The following PTPRD variants were observed in gnomAD, a reference collection of about 807,000 sequenced individuals.
PTPRD encodes the protein protein tyrosine phosphatase receptor type D.
Under a neutral mutation model 214.5 loss-of-function variants are expected in PTPRD, and 34 were observed. The ratio of observed to expected loss-of-function variants is 0.16; its 90% CI spans 0.12 to 0.21. The LOEUF (loss-of-function observed/expected upper bound fraction) is 0.21. Among genes scored for constraint, PTPRD ranks in the 10% least tolerant of loss-of-function variants. The pLI is 1.00. For missense variants in PTPRD, 2,545 were observed against 2,398.7 expected, an observed-to-expected ratio of 1.06 and a Z score of -1.27; for synonymous variants, 1,128 against 845.7, an observed-to-expected ratio of 1.33 and a Z score of -5.79.
chr9:10,455,006 A>G (rs916137994), intron 2 of PTPRD, among the ~76,000 whole-genome samples: 1 of 151,718 alleles, frequency 6.6e-6, no homozygotes, highest in African/African-American at 2.4e-5. Flanking sequence ...TGCATAGTGT[A>G]TATTTGACTT....
chr9:10,539,283 C>T (rs776601540), intron 2 of PTPRD, among the ~76,000 whole-genome samples: 1 of 152,160 alleles, frequency 6.6e-6, no homozygotes, highest in African/African-American at 2.4e-5. Context: ...CTTTCAGGAT[C>T]GAGCAATTCT....
At chr9:9,548,208 C>T (rs1217256370) in intron 8 of PTPRD, among the ~76,000 whole-genome samples, 1 of 150,214 alleles carries the variant, frequency 6.7e-6, no homozygotes, top group East Asian at 2.0e-4. Context: ...AAGAAGAAAG[C>T]TGGAAATGAT....
At chr9:10,311,826 G>T (rs1016445219) in intron 3 of PTPRD, among the ~76,000 whole-genome samples, 1 of 151,972 alleles carries the variant, frequency 6.6e-6, no homozygotes, top group Non-Finnish European at 1.5e-5. Flanking sequence ...AACCACACGC[G>T]GTAATTCTGA....
intron 2 of PTPRD, among the ~76,000 whole-genome samples, chr9:10,559,331 C>T (rs1243663626): frequency 2.0e-5 from 3 of 152,032 alleles, no homozygotes; most frequent in Non-Finnish European, 4.4e-5. Flanking sequence ...CTATGCTATC[C>T]ATTAACCAAA....
At chr9:10,103,643 A>G (rs2098593722) in intron 3 of PTPRD, among the ~76,000 whole-genome samples, 1 of 151,112 alleles carries the variant, frequency 6.6e-6, no homozygotes, top group Non-Finnish European at 1.5e-5. Context: ...CTGAGGGTTC[A>G]TTGTCTCTCC....
chr9:8,662,257 G>C (rs928594380), intron 12 of PTPRD, among the ~76,000 whole-genome samples: 1 of 151,998 alleles, frequency 6.6e-6, no homozygotes, highest in Non-Finnish European at 1.5e-5. Context: ...GATCAAAATC[G>C]GTCCCTACAT....
At chr9:8,708,859 G>C (rs2098266810) in intron 12 of PTPRD, among the ~76,000 whole-genome samples, 1 of 152,028 alleles carries the variant, frequency 6.6e-6, no homozygotes, top group African/African-American at 2.4e-5. Flanking sequence ...TCCATCAATG[G>C]ATGAGTGAAT....
In PTPRD at chr9:8,586,320, A is replaced by G. The variant is rs149715108; in HGVS notation, c.352+46997T>C. Among the ~76,000 whole-genome samples, 268 of 152,280 alleles carry G rather than the reference A, an allele frequency of 1.8e-3. 2 individuals carry two copies. The highest frequency in any genetic ancestry group is 6.1e-3 in the African/African-American group (255 of 41,542). On this transcript the variant is annotated intron_variant, in intron 14 of 45. Coordinates refer to ENST00000381196, the MANE Select transcript of PTPRD (RefSeq NM_002839.4). ...TCTCAAAAAATAATAATAATTTATA[A>G]TATCTTGTGTATTATAAATAGACTC...
At chr9:9,245,415 T>A (rs71497131) in intron 9 of PTPRD, among the ~76,000 whole-genome samples, 1 of 152,120 alleles carries the variant, frequency 6.6e-6, no homozygotes, top group Non-Finnish European at 1.5e-5. Context: ...GTGGCACATA[T>A]ACACCACGGA....
At chr9:8,361,023 CT>C (rs2078334455) in intron 39 of PTPRD, among the ~76,000 whole-genome samples, 1 of 152,094 alleles carries the variant, frequency 6.6e-6, no homozygotes, top group African/African-American at 2.4e-5. Context: ...ATGTTCAAAC[CT>C]TTTTTTCTGT....
chr9:9,747,542 T>C (rs1596602516), intron 6 of PTPRD, among the ~76,000 whole-genome samples: 1 of 8,180 alleles, frequency 1.2e-4, no homozygotes, highest in Admixed American at 2.3e-3. Flanking sequence ...CTTTTTTGTT[T>C]TTTTTTTTTT....
intron 11 of PTPRD, among the ~76,000 whole-genome samples, chr9:8,954,819 G>T (rs2099122787): frequency 6.6e-6 from 1 of 151,830 alleles, no homozygotes; most frequent in African/African-American, 2.4e-5. Context: ...TGTAAAGATT[G>T]CATTGAAGAA....
rs547699482 is a variant in PTPRD at position 9,239,739 on chromosome 9, G to A, written c.-202-56376C>T. Among the ~76,000 whole-genome samples the A allele has an allele frequency of 3.0e-4, 45 of 152,276 alleles. 1 individual carries two copies. The South Asian group carries it at 9.3e-3, about 32-fold the overall frequency. Reference sequence around the variant, plus strand: ...GCTGCTAGCCAAAGTGCAGGGTCAAGCCCAGGATAGTCCTGTCCTCCCTGG... The same window carrying A: ...GCTGCTAGCCAAAGTGCAGGGTCAAACCCAGGATAGTCCTGTCCTCCCTGG... On this transcript the variant is annotated intron_variant, in intron 9 of 45. Transcript: ENST00000381196.
intron 12 of PTPRD, among the ~76,000 whole-genome samples, chr9:8,663,117 C>A (rs572543747): frequency 6.6e-6 from 1 of 151,962 alleles, no homozygotes; most frequent in East Asian, 1.9e-4. Flanking sequence ...TGGAATTGAG[C>A]TTTTGAAACT....
chr9:9,639,234 T>C (rs377460024), intron 7 of PTPRD, among the ~76,000 whole-genome samples: 4 of 152,344 alleles, frequency 2.6e-5, no homozygotes, highest in Admixed American at 1.3e-4. Context: ...CTAAGCTCCA[T>C]GAAAGTAGAC....
intron 2 of PTPRD, among the ~76,000 whole-genome samples, chr9:10,604,439 T>C (rs1321402334): frequency 1.3e-5 from 2 of 151,408 alleles, no homozygotes; most frequent in African/African-American, 4.8e-5. Context: ...TATGGGAAAA[T>C]AGGAAGACTT....
chr9:8,936,687 C>T (rs530866359), intron 11 of PTPRD, among the ~76,000 whole-genome samples: 16 of 152,144 alleles, frequency 1.1e-4, no homozygotes, highest in African/African-American at 2.2e-4. Flanking sequence ...GTAAAACATT[C>T]GTAATCATTT....
intron 8 of PTPRD, among the ~76,000 whole-genome samples, chr9:9,455,006 G>GA (rs1365537218): frequency 6.6e-6 from 1 of 151,450 alleles, no homozygotes; most frequent in Non-Finnish European, 1.5e-5. Flanking sequence ...TTTCCAAAAA[G>GA]AAAAAACAAC....
intron 2 of PTPRD, among the ~76,000 whole-genome samples, chr9:10,374,633 T>C (rs2097692880): frequency 6.6e-6 from 1 of 152,050 alleles, no homozygotes; most frequent in Non-Finnish European, 1.5e-5. Flanking sequence ...TCCTCTCCCT[T>C]CATTTTAAAA....
Sources: allele counts gnomAD v4.1 joint callset (sites outside exome capture counted in the v4.1 genomes callset), GRCh38; gene constraint gnomAD v4.1.1; transcripts MANE v1.5; gene names NCBI Gene and HGNC (gene_info 2026-07-23, HGNC 2026-07-21).